The following DDX10 variants were observed in gnomAD, a reference collection of about 807,000 sequenced individuals.
DDX10 encodes DEAD-box helicase 10.
Under a neutral mutation model 104.3 loss-of-function variants are expected in DDX10, and 74 were observed. The observed-to-expected ratio is 0.71, with a 90% CI of 0.59 to 0.86. DDX10 has a LOEUF of 0.86. Among genes scored for constraint, DDX10 ranks in the 40% least tolerant of loss-of-function variants. DDX10 has a pLI of 0.00. For synonymous variants in DDX10, 351 were observed against 353.4 expected, an observed-to-expected ratio of 0.99 and a Z score of 0.08; for missense variants, 952 against 1,040.0, an observed-to-expected ratio of 0.92 and a Z score of 1.16.
chr11:108,842,034 T>G (rs572420351), intron 15 of DDX10, among the ~76,000 whole-genome samples: 1 of 152,318 alleles, frequency 6.6e-6, no homozygotes, highest in African/African-American at 2.4e-5. Context: ...AGATTCAACT[T>G]AATAAATTTC....
In DDX10 at chr11:108,692,043, GA is replaced by G. The variant is rs2094253451; in HGVS notation, c.1138+9del. On this transcript the variant is annotated splice_donor_region_variant and intron_variant, in intron 8 of 17. Transcript: ENST00000322536. The stretch of plus-strand genomic sequence containing the variant: ...ATATTGCAGCCAGGGGTCTGGGTAA[GA>G]AAACTTCCTATCATGAAATTTCTGT... The G allele has an allele frequency of 1.3e-6, 2 of 1,578,432 alleles. No homozygotes were observed. Among genetic ancestry groups the G allele is most frequent in the Non-Finnish European group, 1.7e-6 (2 of 1,161,884 alleles).
chr11:108,807,369 G>A (rs1305007231), intron 13 of DDX10, among the ~76,000 whole-genome samples: 1 of 152,150 alleles, frequency 6.6e-6, no homozygotes, highest in African/African-American at 2.4e-5. Context: ...ACTGTGACTG[G>A]TAGCAATGTC....
In DDX10 at chr11:108,924,134, G is replaced by A. The variant is rs759635466; in HGVS notation, c.2450+6116G>A. ...TACAATGAAAAAGAAACAGCCGGATGTTCCAGATGTTCATTATCCAGTCAA... is the reference window on the plus strand; with the variant it reads ...TACAATGAAAAAGAAACAGCCGGATATTCCAGATGTTCATTATCCAGTCAA... On this transcript the variant is annotated intron_variant, in intron 17 of 17. Coordinates refer to ENST00000322536, the MANE Select transcript of DDX10 (RefSeq NM_004398.4). Among the ~76,000 whole-genome samples, 54 of 151,954 alleles carry A rather than the reference G, an allele frequency of 3.6e-4. 1 individual carries two copies. The highest frequency in any genetic ancestry group is 3.3e-4 in the Admixed American group (5 of 15,252).
chr11:108,675,507 T>C (rs1053729399), intron 2 of DDX10, 89 bp from the exon 3 acceptor site: 32 of 1,447,186 alleles, frequency 2.2e-5, no homozygotes, highest in Middle Eastern at 2.5e-4. Context: ...GGCTTCAACA[T>C]AGGAATTTTG....
chr11:108,847,261 T>C (rs1015442646), intron 15 of DDX10, among the ~76,000 whole-genome samples: 38 of 152,200 alleles, frequency 2.5e-4, no homozygotes, highest in Non-Finnish European at 3.4e-4. Flanking sequence ...TGTTGAAAGA[T>C]AGGCCATGGA....
At chr11:108,766,900 G>T (rs1333509710) in intron 13 of DDX10, among the ~76,000 whole-genome samples, 1 of 152,146 alleles carries the variant, frequency 6.6e-6, no homozygotes. Context: ...TAGGTGCCTT[G>T]TTGGTTAAAA....
chr11:108,740,457 T>A (rs2094323825), intron 13 of DDX10, among the ~76,000 whole-genome samples: 1 of 152,178 alleles, frequency 6.6e-6, no homozygotes, highest in Non-Finnish European at 1.5e-5. Flanking sequence ...TACGTATACA[T>A]GTGTCTTTAG....
intron 16 of DDX10, among the ~76,000 whole-genome samples, chr11:108,909,707 G>T (rs1424916867): frequency 6.6e-6 from 1 of 152,158 alleles, no homozygotes; most frequent in Non-Finnish European, 1.5e-5. Flanking sequence ...CCCTTGACCT[G>T]TGGGATCTGT....
intron 1 of DDX10, among the ~76,000 whole-genome samples, chr11:108,665,581 GTAA>G (rs1031098574): frequency 6.6e-6 from 1 of 152,074 alleles, no homozygotes; most frequent in African/African-American, 2.4e-5. Flanking sequence ...GACTAATGCT[GTAA>G]TAGCTACAGT....
chr11:108,688,931 A>G lies in DDX10; in HGVS notation c.849-5A>G, dbSNP rs2094248233. The G allele has an allele frequency of 1.2e-6, 2 of 1,610,000 alleles. No individual in the cohort carries two copies. Among genetic ancestry groups the G allele is most frequent in the East Asian group, 2.2e-5 (1 of 44,792 alleles). On this transcript the variant is annotated splice_polypyrimidine_tract_variant and splice_region_variant and intron_variant, in intron 6 of 17. Transcript: ENST00000322536. ...TAATGTTTTTCTTTTCCGTAATTCC[A>G]CAAGCACCCCTGCCACTTTGGAACA...
chr11:108,824,602 A>G (rs1010269809), intron 13 of DDX10, among the ~76,000 whole-genome samples: 2 of 152,180 alleles, frequency 1.3e-5, no homozygotes, highest in Admixed American at 6.5e-5. Flanking sequence ...TTGGAAATCT[A>G]AAAAGAGAGG....
At chr11:108,702,692 C>T (rs530486480) in intron 9 of DDX10, among the ~76,000 whole-genome samples, 16 of 152,162 alleles carry the variant, frequency 1.1e-4, no homozygotes, top group Non-Finnish European at 5.9e-5. Context: ...ACTAGAAATA[C>T]TAGTGAGCTG....
chr11:108,820,699 T>G (rs930365535), intron 13 of DDX10, among the ~76,000 whole-genome samples: 3 of 152,170 alleles, frequency 2.0e-5, no homozygotes, highest in Admixed American at 6.5e-5. Context: ...TGTCAGAAGT[T>G]GAGCATGGTT....
chr11:108,677,255 T>A lies in DDX10; in HGVS notation c.537+12T>A. ...TCATTGGTGGAAAGGTTTGTCCTTT[T>A]GTCTATGTCCTTCCTTTCCTTCTGT... On this transcript the variant is annotated intron_variant, in intron 4 of 17. Coordinates refer to ENST00000322536, the MANE Select transcript of DDX10 (RefSeq NM_004398.4). 3 of 1,607,492 alleles carry A rather than the reference T, an allele frequency of 1.9e-6. No individual in the cohort carries two copies. Among genetic ancestry groups the A allele is most frequent in the Non-Finnish European group, 1.7e-6 (2 of 1,175,016 alleles).
At chr11:108,830,497 GACAGTTTGATTTACTCTTT>G (rs1565291735) in intron 13 of DDX10, among the ~76,000 whole-genome samples, 1 of 152,150 alleles carries the variant, frequency 6.6e-6, no homozygotes, top group Non-Finnish European at 1.5e-5. Flanking sequence ...AGCAAACAGC[GACAGTTTGATTTACTCTTT>G]ACTGATTTGG....
intron 13 of DDX10, among the ~76,000 whole-genome samples, chr11:108,732,843 T>C (rs1591804176): frequency 6.6e-6 from 1 of 152,198 alleles, no homozygotes; most frequent in Non-Finnish European, 1.5e-5. Context: ...ACAATTAAAA[T>C]GATTAAATTA....
At chr11:108,668,832 T>C (rs1197476960) in intron 1 of DDX10, among the ~76,000 whole-genome samples, 3 of 152,208 alleles carry the variant, frequency 2.0e-5, no homozygotes, top group African/African-American at 7.2e-5. Context: ...GTTTGTAACA[T>C]GTACCTCAGT....
At chr11:108,753,061 G>C (rs2134507254) in intron 13 of DDX10, among the ~76,000 whole-genome samples, 1 of 150,092 alleles carries the variant, frequency 6.7e-6, no homozygotes, top group African/African-American at 2.4e-5. Flanking sequence ...AATGTGCTTT[G>C]TATATATGAC....
rs368335718 is a variant in DDX10, at chr11:108,863,431, A to G, written c.2304+11222A>G. On this transcript the variant is annotated intron_variant, in intron 16 of 17. Transcript: ENST00000322536. ...TAAGTGCAGTTGTTTTATTTTACCT[A>G]TCTTGATTTTCAGCTATGTACATTA... Among the ~76,000 whole-genome samples, 13 of 152,288 alleles carry G rather than the reference A, an allele frequency of 8.5e-5. No individual in the cohort carries two copies. In the South Asian group the frequency reaches 2.5e-3, roughly 29 times the overall value.
Sources: allele counts gnomAD v4.1 joint callset (sites outside exome capture counted in the v4.1 genomes callset), GRCh38; gene constraint gnomAD v4.1.1; transcripts MANE v1.5; gene names NCBI Gene and HGNC (gene_info 2026-07-23, HGNC 2026-07-21).